Variants in SLC30A4 observed in about 807,000 individuals in gnomAD.
The protein encoded by SLC30A4 is solute carrier family 30 member 4.
In SLC30A4, 20 loss-of-function variants were observed where a neutral mutation model predicts 41.7. That is an observed-to-expected ratio of 0.48 (90% confidence interval 0.34 to 0.70). The LOEUF is 0.70. SLC30A4 is among the 30% of genes least tolerant of loss of function. The pLI is 0.01. For synonymous variants in SLC30A4, 181 were observed against 195.9 expected (o/e 0.92, Z 0.64); for missense variants, 441 against 529.3 (o/e 0.83, Z 1.64).
intron 3 of SLC30A4, among the ~76,000 whole-genome samples, chr15:45,510,049 G>T (rs1316440501): frequency 6.6e-6 from 1 of 152,140 alleles, no homozygotes; most frequent in East Asian, 1.9e-4. Context: ...TCCAGCCTGG[G>T]CAACAGCGCA....
In SLC30A4 at chr15:45,484,790, G is replaced by C; in HGVS notation, c.*373C>G. ...AAAAAAAATTCAGTTTTCCAGCACTGGCTTAATATAAAATGGCCTTAAAAA... is the reference window on the plus strand; with the variant it reads ...AAAAAAAATTCAGTTTTCCAGCACTCGCTTAATATAAAATGGCCTTAAAAA... On this transcript the variant is annotated 3_prime_UTR_variant, in exon 8 of 8. Transcript: ENST00000261867. 6.1e-6 allele frequency: 1 copy of C among 163,668 alleles called. No individual in the cohort carries two copies. The highest frequency in any genetic ancestry group is 1.3e-5 in the Non-Finnish European group (1 of 75,680). The allele number at this position is 163,668 out of a possible 1,614,324, so 10.1% of individuals were successfully genotyped here.
chr15:45,487,911 A>T (rs1206039152), intron 5 of SLC30A4, among the ~76,000 whole-genome samples: 2 of 137,602 alleles, frequency 1.5e-5, no homozygotes, highest in African/African-American at 2.7e-5. Flanking sequence ...GAAAGAAGTA[A>T]GTGTGTGTGT....
intron 2 of SLC30A4, chr15:45,521,138 T>A (rs950502233): frequency 2.4e-5 from 9 of 377,840 alleles, no homozygotes; most frequent in Non-Finnish European, 4.8e-5. Context: ...CATGTAAGAA[T>A]CATCTCCCTG....
chr15:45,522,432 C>T lies in SLC30A4; in HGVS notation c.-78G>A. The T allele has an allele frequency of 1.4e-6, 2 of 1,420,352 alleles. No individual in the cohort carries two copies. The highest frequency in any genetic ancestry group is 2.8e-5 in the South Asian group (2 of 71,816). 88.0% of individuals were successfully genotyped at this position (1,420,352 alleles called of 1,614,324 possible). A position where few individuals can be genotyped will look rare whatever the true frequency, so the allele number is the denominator to read the frequency against. On this transcript the variant is annotated 5_prime_UTR_variant, in exon 2 of 8. Coordinates refer to ENST00000261867, the MANE Select transcript of SLC30A4 (RefSeq NM_013309.6). ...GGCGGCGCCTACTTCACCGGAGCGCCAGTTCTCGAGGGCAGTGCCGCGCGT... is the reference window on the plus strand; with the variant it reads ...GGCGGCGCCTACTTCACCGGAGCGCTAGTTCTCGAGGGCAGTGCCGCGCGT...
intron 3 of SLC30A4, among the ~76,000 whole-genome samples, chr15:45,495,047 G>T (rs1346825498): frequency 6.6e-6 from 1 of 152,002 alleles, no homozygotes; most frequent in Non-Finnish European, 1.5e-5. Context: ...CAGCTACTTG[G>T]GAGGTTGAGG....
At chr15:45,519,786 A>G (rs902903461) in intron 2 of SLC30A4, 2 of 152,228 alleles carry the variant, frequency 1.3e-5, no homozygotes, top group Non-Finnish European at 2.9e-5. Context: ...TGAATTATTA[A>G]TCATTTTAAG....
At chr15:45,516,034 G>C (rs987170102) in intron 2 of SLC30A4, 10 of 152,098 alleles carry the variant, frequency 6.6e-5, no homozygotes, top group African/African-American at 2.4e-4. Context: ...CAAAGTGCTA[G>C]GACTACAGGC....
In SLC30A4 at chr15:45,522,155, G is replaced by C. The variant is rs749321092; in HGVS notation, c.200C>G (p.Pro67Arg). 1 of 1,614,224 alleles carries C rather than the reference G, an allele frequency of 6.2e-7. No homozygotes were observed. Among genetic ancestry groups the C allele is most frequent in the Non-Finnish European group, 8.5e-7 (1 of 1,180,050 alleles). The change falls in exon 2 of 8, where the codon CCG becomes CGG. Residue 67 changes from proline (P) to arginine (R), a missense_variant. Around this residue, in one of 3 missense-constraint regions of SLC30A4, gnomAD observed 312 missense variants for 341.9 expected, o/e 0.91. Coordinates refer to ENST00000261867, the MANE Select transcript of SLC30A4 (RefSeq NM_013309.6). ...APERPVNGAH[P>R]TLQADDDSLL... ...GGAATCATCGTCGGCCTGGAGGGTC[G>C]GGTGCGCCCCGTTAACAGGCCTTTC...
chr15:45,507,354 A>AAATT (rs1278476653), intron 3 of SLC30A4, among the ~76,000 whole-genome samples: 7 of 150,398 alleles, frequency 4.7e-5, no homozygotes, highest in Non-Finnish European at 7.4e-5. Flanking sequence ...ATAAATAAAT[A>AAATT]AATAATAAAT....
At chr15:45,498,276 G>GA (rs573091162) in intron 3 of SLC30A4, among the ~76,000 whole-genome samples, 263 of 152,236 alleles carry the variant, frequency 1.7e-3, no homozygotes, top group African/African-American at 6.1e-3. Context: ...GAAGGAAACA[G>GA]AAGGAAAAAG....
chr15:45,520,383 CTT>C (rs1892629644), intron 2 of SLC30A4, among the ~76,000 whole-genome samples: 1 of 152,090 alleles, frequency 6.6e-6, no homozygotes, highest in South Asian at 2.1e-4. Context: ...GATTCTCCTG[CTT>C]TAGCCTCCCA....
At chr15:45,514,510 ATT>A (rs751585996) in intron 2 of SLC30A4, among the ~76,000 whole-genome samples, 6,437 of 124,414 alleles carry the variant, frequency 0.052, 240 homozygotes, top group African/African-American at 0.2. Flanking sequence ...TGATATTCCA[ATT>A]TTTTTTTTTT....
At chr15:45,486,542 G>A in intron 7 of SLC30A4, 69 bp downstream of exon 7, 1 of 1,340,002 alleles carries the variant, frequency 7.5e-7, no homozygotes. Context: ...ATAATTATAA[G>A]CAGGGATGTT....
At position 45,487,562 on chromosome 15, in the gene SLC30A4, C is replaced by T. The variant is rs754695518; in HGVS notation, c.965G>A (p.Arg322Gln). 21 of 1,558,290 alleles carry T rather than the reference C, an allele frequency of 1.3e-5. No homozygotes were observed. The highest frequency in any genetic ancestry group is 2.2e-5 in the South Asian group (2 of 89,702). Residue 322 changes from arginine (R) to glutamine (Q), a missense_variant, in exon 6 of 8, where the codon CGA (arginine) becomes CAA (glutamine). Transcript: ENST00000261867. ...TATAACTACTGTATCCCATATGATT[C>T]GAAATGTTGTAAAAGCCACAAGTAA... ...FSLLVAFTTFRIIWDTVVIIL... is the reference protein window; with the variant it reads ...FSLLVAFTTFQIIWDTVVIIL...
At chr15:45,507,499 C>CTTT (rs527747375) in intron 3 of SLC30A4, among the ~76,000 whole-genome samples, 1 of 136,512 alleles carries the variant, frequency 7.3e-6, no homozygotes, top group African/African-American at 2.7e-5. Context: ...TTTCTTTTTC[C>CTTT]TTTTTTTTTT....
rs768510710 is a variant in SLC30A4 at position 45,519,031 on chromosome 15, A to G, written c.391+2933T>C. Among the ~76,000 whole-genome samples the G allele has an allele frequency of 3.3e-5, 5 of 151,764 alleles. No homozygotes were observed. The South Asian group carries it at 1.0e-3, about 32-fold the overall frequency. ...ACTGCAACCTCTGCCTCCTGGGTTA[A>G]AGCGATTTCTGGCTAATTTTTGTAT... is the stretch of plus-strand genomic sequence containing the variant. On this transcript the variant is annotated intron_variant, in intron 2 of 7. Transcript: ENST00000261867.
Position 45,484,916 on chromosome 15 carries a change from CT to C in SLC30A4, c.*246del. The C allele has an allele frequency of 4.4e-6, 2 of 453,110 alleles. No homozygotes were observed. Among genetic ancestry groups the C allele is most frequent in the Non-Finnish European group, 7.8e-6 (2 of 257,126 alleles). The allele number at this position is 453,110 out of a possible 1,614,324, so 28.1% of individuals were successfully genotyped here. A position where few individuals can be genotyped will look rare whatever the true frequency, so the allele number is the denominator to read the frequency against. Reference sequence around the variant, plus strand: ...TCTTGGATTGTCTTCTATGAGGTATCTGTAGAGTCACATCTCATTCTGTAAA... The same window carrying C: ...TCTTGGATTGTCTTCTATGAGGTATCGTAGAGTCACATCTCATTCTGTAAA... On this transcript the variant is annotated 3_prime_UTR_variant, in exon 8 of 8. Transcript: ENST00000261867.
chr15:45,521,857 A>G, intron 2 of SLC30A4, 107 bp downstream of exon 2: 1 of 1,177,068 alleles, frequency 8.5e-7, no homozygotes, highest in Middle Eastern at 2.0e-4. Flanking sequence ...CTTGATAAAT[A>G]CAAACTTCCT....
chr15:45,486,476 T>A, intron 7 of SLC30A4, 135 bp downstream of exon 7: 3 of 789,026 alleles, frequency 3.8e-6, no homozygotes, highest in Non-Finnish European at 5.7e-6. Context: ...CTTTGTTTTT[T>A]AAAGACAAAG....
Sources: allele counts gnomAD v4.1 joint callset (sites outside exome capture counted in the v4.1 genomes callset), GRCh38; gene constraint gnomAD v4.1.1; regional missense constraint gnomAD v4.1.1; transcripts MANE v1.5; gene names NCBI Gene and HGNC (gene_info 2026-07-23, HGNC 2026-07-21).